Variants in DIAPH1 observed in about 807,000 individuals in gnomAD.
The protein encoded by DIAPH1 is diaphanous related formin 1, also known as protein diaphanous homolog 1.
A neutral mutation model predicts 140.7 loss-of-function variants in DIAPH1; 46 were observed. The observed-to-expected ratio is 0.33, with a 90% confidence interval of 0.26 to 0.42. The LOEUF is 0.42. Ranked by LOEUF, DIAPH1 falls within the 10% of genes least tolerant of loss-of-function variation. DIAPH1 has a pLI of 1.00. For missense variants in DIAPH1, 1,310 were observed against 1,558.7 expected, an observed-to-expected ratio of 0.84 and a Z score of 2.69; for synonymous variants, 565 against 551.6, an observed-to-expected ratio of 1.02 and a Z score of -0.34.
At chr5:141,605,039 A>G (rs147591723) in intron 1 of DIAPH1, among the ~76,000 whole-genome samples, 2 of 152,342 alleles carry the variant, frequency 1.3e-5, no homozygotes, top group Admixed American at 6.5e-5. Flanking sequence ...CAAAGTACTT[A>G]GGATCTAAAG....
intron 1 of DIAPH1, among the ~76,000 whole-genome samples, chr5:141,617,209 G>T (rs1334416936): frequency 6.6e-6 from 1 of 150,798 alleles, no homozygotes; most frequent in East Asian, 2.0e-4. Context: ...GGGGGGAGGG[G>T]TCAATTCTTA....
chr5:141,618,714 C>A, intron 1 of DIAPH1, 84 bp downstream of exon 1: 1 of 1,002,842 alleles, frequency 1.0e-6, no homozygotes, highest in South Asian at 1.4e-5. Flanking sequence ...TCCCCAAAGC[C>A]GGGCAGGCGC....
At chr5:141,611,001 G>T (rs114529854) in intron 1 of DIAPH1, among the ~76,000 whole-genome samples, 3,465 of 152,130 alleles carry the variant, frequency 0.023, 54 homozygotes, top group East Asian at 0.047. Flanking sequence ...GAGGCAGCTG[G>T]ATTGCTTGAG....
chr5:141,617,540 T>C (rs777806949), intron 1 of DIAPH1, among the ~76,000 whole-genome samples: 6 of 152,164 alleles, frequency 3.9e-5, no homozygotes, highest in Non-Finnish European at 7.4e-5. Context: ...CCCAAATTTG[T>C]GGAGCTGGGT....
chr5:141,566,855 A>G (rs905864942), intron 18 of DIAPH1, among the ~76,000 whole-genome samples: 1 of 152,200 alleles, frequency 6.6e-6, no homozygotes, highest in African/African-American at 2.4e-5. Context: ...AGAGCTTGCC[A>G]CTGCACTCCA....
intron 1 of DIAPH1, among the ~76,000 whole-genome samples, chr5:141,615,568 C>T (rs188188212): frequency 4.0e-5 from 6 of 151,848 alleles, no homozygotes; most frequent in Admixed American, 2.6e-4. Context: ...GGTGAAACCC[C>T]GTCTCTACTA....
chr5:141,527,538 C>T, intron 24 of DIAPH1, 35 bp downstream of exon 24: 1 of 1,611,696 alleles, frequency 6.2e-7, no homozygotes, highest in Non-Finnish European at 8.5e-7. Context: ...CTTTCCCTTC[C>T]TAGGGAACAA....
Position 141,578,235 on chromosome 5 carries a change from T to C in DIAPH1, c.1153A>G (p.Met385Val). The change falls in exon 11 of 28, where the codon ATG becomes GTG. Residue 385 changes from methionine to valine, a missense_variant. By Grantham distance (21) the Met-to-Val change is conservative (BLOSUM62 1). This residue lies in a region of DIAPH1 where 377 missense variants were observed against 497.1 expected (regional missense o/e 0.76). Coordinates refer to ENST00000389054, the MANE Select transcript of DIAPH1 (RefSeq NM_005219.5). ...DLKGRLDDIRMEMDDFNEVFQ... is the reference protein window; with the variant it reads ...DLKGRLDDIRVEMDDFNEVFQ... Reference sequence around the variant, plus strand: ...TCAGCAAAAGGATATTCCATCTCCATGCGAATGTCATCCAGCCGTCCCTTC... The same window carrying C: ...TCAGCAAAAGGATATTCCATCTCCACGCGAATGTCATCCAGCCGTCCCTTC... The C allele has an allele frequency of 1.2e-6, 2 of 1,613,216 alleles. No homozygotes were observed. The highest frequency in any genetic ancestry group is 1.7e-6 in the Non-Finnish European group (2 of 1,179,136).
At chr5:141,598,202 TTTC>T (rs1232043370) in intron 1 of DIAPH1, among the ~76,000 whole-genome samples, 1 of 152,244 alleles carries the variant, frequency 6.6e-6, no homozygotes, top group Non-Finnish European at 1.5e-5. Flanking sequence ...TAGATTTTTG[TTTC>T]TTAAGTTTTA....
intron 1 of DIAPH1, among the ~76,000 whole-genome samples, chr5:141,605,491 T>C (rs570728025): frequency 1.3e-5 from 2 of 152,328 alleles, no homozygotes; most frequent in African/African-American, 2.4e-5. Context: ...CCAATTACCA[T>C]AGGCAAAATG....
At chr5:141,552,573 C>G (rs576662244) in intron 18 of DIAPH1, among the ~76,000 whole-genome samples, 1 of 152,248 alleles carries the variant, frequency 6.6e-6, no homozygotes, top group East Asian at 1.9e-4. Flanking sequence ...TACAGCCCTG[C>G]CAACATTTCG....
At position 141,529,389 on chromosome 5, in the gene DIAPH1, C is replaced by T. The variant is rs566100781; in HGVS notation, c.2677-116G>A. 5.1e-6 allele frequency: 5 copies of T among 980,686 alleles called. No homozygotes were observed. The African/African-American group carries it at 8.0e-5, about 16-fold the overall frequency. The allele number at this position is 980,686 out of a possible 1,614,324, so 60.7% of individuals were successfully genotyped here. The stretch of plus-strand genomic sequence containing the variant: ...TGCTCAAGGACCATACAGAAAGAAA[C>T]ATATGGTGGGAGAAGAGAGGCAGCT... On this transcript the variant is annotated intron_variant, in intron 20 of 27. Transcript: ENST00000389054.
At chr5:141,607,715 C>G (rs1018722332) in intron 1 of DIAPH1, among the ~76,000 whole-genome samples, 11 of 152,184 alleles carry the variant, frequency 7.2e-5, no homozygotes, top group African/African-American at 2.7e-4. Flanking sequence ...TATAATCAGG[C>G]CATTTCTCTT....
intron 1 of DIAPH1, among the ~76,000 whole-genome samples, chr5:141,617,257 AAAG>A (rs927794443): frequency 6.7e-6 from 1 of 149,640 alleles, no homozygotes; most frequent in Non-Finnish European, 1.5e-5. Context: ...TTTAGTCACC[AAAG>A]AAGGAGGGGG....
intron 18 of DIAPH1, among the ~76,000 whole-genome samples, chr5:141,539,273 T>C (rs2099889567): frequency 6.7e-6 from 1 of 149,694 alleles, no homozygotes; most frequent in African/African-American, 2.5e-5. Flanking sequence ...CAAGACCATG[T>C]GTCAAAAAAA....
intron 1 of DIAPH1, among the ~76,000 whole-genome samples, chr5:141,602,194 GGC>G (rs2099900254): frequency 4.6e-5 from 7 of 152,246 alleles, no homozygotes; most frequent in African/African-American, 1.7e-4. Context: ...TTACCATTGA[GGC>G]CTGATCTAGC....
chr5:141,601,251 A>T (rs887567349), intron 1 of DIAPH1, among the ~76,000 whole-genome samples: 1 of 151,168 alleles, frequency 6.6e-6, no homozygotes. Flanking sequence ...AATAAAAATA[A>T]AATAAAAATA....
At chr5:141,571,573 C>T (rs761673763) in intron 17 of DIAPH1, 137 bp from the exon 18 acceptor site, 23 of 759,244 alleles carry the variant, frequency 3.0e-5, no homozygotes, top group Non-Finnish European at 4.8e-5. Context: ...TCTTTCCAAC[C>T]CTTATTAATT....
At chr5:141,569,809 T>C (rs1398041887) in intron 18 of DIAPH1, among the ~76,000 whole-genome samples, 1 of 152,018 alleles carries the variant, frequency 6.6e-6, no homozygotes. Flanking sequence ...AGGATGAAGA[T>C]CTTTTTCTGA....
Sources: allele counts gnomAD v4.1 joint callset (sites outside exome capture counted in the v4.1 genomes callset), GRCh38; gene constraint gnomAD v4.1.1; regional missense constraint gnomAD v4.1.1; transcripts MANE v1.5; gene names NCBI Gene and HGNC (gene_info 2026-07-23, HGNC 2026-07-21).